ASTN2: variants seen among roughly 807,000 people sequenced by gnomAD.
The protein encoded by ASTN2 is astrotactin-2.
ASTN2 carries 54 observed loss-of-function variants against 139.8 expected under a neutral mutation model. The ratio of observed to expected loss-of-function variants is 0.39; its 90% CI spans 0.31 to 0.48. The LOEUF is 0.48. ASTN2 is among the 20% of genes least tolerant of loss of function. ASTN2 has a pLI of 0.95. For missense variants in ASTN2, 1,565 were observed against 1,725.1 expected, an observed-to-expected ratio of 0.91 and a Z score of 1.64; for synonymous variants, 756 against 719.5, an observed-to-expected ratio of 1.05 and a Z score of -0.81.
chr9:117,050,005 G>A (rs867752766), intron 5 of ASTN2, among the ~76,000 whole-genome samples: 4 of 152,098 alleles, frequency 2.6e-5, no homozygotes, highest in African/African-American at 9.7e-5. Flanking sequence ...GGGGGTTTCT[G>A]ATTCATAGGT....
At chr9:117,235,699 T>C (rs1833025487) in intron 2 of ASTN2, among the ~76,000 whole-genome samples, 1 of 152,184 alleles carries the variant, frequency 6.6e-6, no homozygotes, top group Non-Finnish European at 1.5e-5. Context: ...TTGTCTTGTA[T>C]GCAAAATTTA....
chr9:116,713,551 G>A (rs1319581950), intron 16 of ASTN2, among the ~76,000 whole-genome samples: 2 of 152,040 alleles, frequency 1.3e-5, no homozygotes, highest in South Asian at 2.1e-4. Context: ...CTCTTTTTTC[G>A]CTCTTCCTGA....
intron 1 of ASTN2, among the ~76,000 whole-genome samples, chr9:117,328,747 C>G (rs994456074): frequency 1.3e-5 from 2 of 152,210 alleles, no homozygotes; most frequent in South Asian, 4.1e-4. Flanking sequence ...TGGGGCCTTT[C>G]TCTAGCCATT....
chr9:117,362,816 T>A (rs1829730141), intron 1 of ASTN2, among the ~76,000 whole-genome samples: 1 of 152,110 alleles, frequency 6.6e-6, no homozygotes, highest in Admixed American at 6.5e-5. Flanking sequence ...TGCCTGAGTG[T>A]GGAAACTCTC....
At chr9:116,973,272 G>A (rs935409739) in intron 10 of ASTN2, among the ~76,000 whole-genome samples, 1 of 151,886 alleles carries the variant, frequency 6.6e-6, no homozygotes. Context: ...TGAAGTATTC[G>A]GCACTTACTT....
At chr9:116,907,507 G>A (rs1005644216) in intron 10 of ASTN2, among the ~76,000 whole-genome samples, 1 of 152,196 alleles carries the variant, frequency 6.6e-6, no homozygotes. Context: ...GTCTGGAAAG[G>A]CAGACCTGCC....
At chr9:117,239,878 A>G (rs922262339) in intron 2 of ASTN2, among the ~76,000 whole-genome samples, 3 of 152,316 alleles carry the variant, frequency 2.0e-5, no homozygotes, top group African/African-American at 7.2e-5. Flanking sequence ...TTTACTAGGT[A>G]CCAGGAATGG....
At chr9:116,692,043 C>T (rs1271675542) in intron 16 of ASTN2, among the ~76,000 whole-genome samples, 8 of 152,136 alleles carry the variant, frequency 5.3e-5, no homozygotes, top group South Asian at 2.1e-4. Flanking sequence ...TCACCAGTAC[C>T]GTTCACAGGG....
chr9:117,407,377 A>AT (rs1224299352), intron 1 of ASTN2, among the ~76,000 whole-genome samples: 1 of 152,176 alleles, frequency 6.6e-6, no homozygotes, highest in Non-Finnish European at 1.5e-5. Context: ...CGGAGGATGG[A>AT]TTAGAGGGGA....
chr9:116,626,415 A>T (rs538131481), intron 17 of ASTN2, among the ~76,000 whole-genome samples: 25 of 151,978 alleles, frequency 1.6e-4, no homozygotes, highest in Middle Eastern at 3.4e-3. Context: ...TTATATTTAA[A>T]TATGTTTTAA....
intron 4 of ASTN2, 124 bp downstream of exon 4, chr9:117,141,202 G>C: frequency 9.5e-7 from 1 of 1,057,776 alleles, no homozygotes; most frequent in African/African-American, 1.6e-5. Flanking sequence ...ATTTATCAGG[G>C]AGAAAGTGGC....
intron 3 of ASTN2, among the ~76,000 whole-genome samples, chr9:117,159,983 G>A (rs1830511565): frequency 6.6e-6 from 1 of 151,922 alleles, no homozygotes; most frequent in East Asian, 1.9e-4. Flanking sequence ...TTAAGCCAAT[G>A]GACTATGTGG....
At chr9:116,457,532 G>C (rs900083602) in intron 20 of ASTN2, among the ~76,000 whole-genome samples, 1 of 152,046 alleles carries the variant, frequency 6.6e-6, no homozygotes, top group African/African-American at 2.4e-5. Flanking sequence ...ATTTAAAAAT[G>C]GGCAAAAGAT....
chr9:117,186,913 G>A (rs1225468661), intron 3 of ASTN2, among the ~76,000 whole-genome samples: 1 of 152,194 alleles, frequency 6.6e-6, no homozygotes, highest in Non-Finnish European at 1.5e-5. Context: ...GGCAGATCAT[G>A]AAGTCAGGAG....
chr9:116,738,395 G>A (rs1829002067), intron 13 of ASTN2, among the ~76,000 whole-genome samples: 5 of 151,884 alleles, frequency 3.3e-5, no homozygotes, highest in Admixed American at 3.3e-4. Context: ...CAGCTACTCG[G>A]GAGGCTGAGG....
intron 4 of ASTN2, among the ~76,000 whole-genome samples, chr9:117,126,666 T>C (rs1471497013): frequency 1.3e-5 from 2 of 152,192 alleles, no homozygotes; most frequent in Non-Finnish European, 2.9e-5. Flanking sequence ...GTAGGAAGCC[T>C]AACTGGTTTC....
intron 16 of ASTN2, among the ~76,000 whole-genome samples, chr9:116,714,638 G>A (rs1429910952): frequency 6.6e-6 from 1 of 152,204 alleles, no homozygotes; most frequent in Non-Finnish European, 1.5e-5. Flanking sequence ...CACACATCTA[G>A]AGAATGGAAC....
intron 2 of ASTN2, among the ~76,000 whole-genome samples, chr9:117,286,693 C>A (rs953367434): frequency 3.9e-5 from 6 of 152,182 alleles, no homozygotes; most frequent in African/African-American, 7.2e-5. Context: ...AATCACTCAG[C>A]CTGCTTTGGA....
chr9:116,505,962 G>T (rs549583721), intron 19 of ASTN2, among the ~76,000 whole-genome samples: 1 of 152,148 alleles, frequency 6.6e-6, no homozygotes, highest in African/African-American at 2.4e-5. Context: ...CCTGATCACT[G>T]TAACTAAATG....
Sources: gnomAD v4.1 joint callset for allele counts (sites outside exome capture counted in the v4.1 genomes callset) on GRCh38, gnomAD v4.1.1 for gene constraint, MANE v1.5 for transcripts, NCBI Gene and HGNC (gene_info 2026-07-23, HGNC 2026-07-21) for gene names.